The following NMRK2 variants were observed in gnomAD, a reference collection of about 807,000 sequenced individuals.
NMRK2 encodes nicotinamide riboside kinase 2, also known as NRK 2.
Under a neutral mutation model 24.7 loss-of-function variants are expected in NMRK2, and 34 were observed. That is an observed-to-expected ratio of 1.37 (90% CI 1.05 to 1.83). The LOEUF is 1.83. Among genes scored for constraint, NMRK2 ranks in the 40% most tolerant of loss-of-function variants. The pLI, the probability that NMRK2 is intolerant of heterozygous loss-of-function variation, is 0.00. For synonymous variants in NMRK2, 145 were observed against 125.6 expected (o/e 1.15, Z -1.03); for missense variants, 341 against 315.0 (o/e 1.08, Z -0.62).
rs1303708289 is a variant in NMRK2 at position 3,942,320 on chromosome 19, C to T, written c.*47C>T. ...TGTACGTAGGAGAGTGGAGGCCCCA[C>T]TCCCAGTTGGGCGTCCCGGAGCTCA... is the stretch of plus-strand genomic sequence containing the variant. On this transcript the variant is annotated 3_prime_UTR_variant, in exon 8 of 8. Coordinates refer to ENST00000168977, the MANE Select transcript of NMRK2 (RefSeq NM_170678.3). 1 of 1,525,444 alleles carries T rather than the reference C, an allele frequency of 6.6e-7. No individual in the cohort carries two copies. Among genetic ancestry groups the T allele is most frequent in the Non-Finnish European group, 8.9e-7 (1 of 1,129,238 alleles). 94.5% of individuals were successfully genotyped at this position (1,525,444 alleles called of 1,614,324 possible). A position where few individuals can be genotyped will look rare whatever the true frequency, so the allele number is the denominator to read the frequency against.
chr19:3,942,211 C>A lies in NMRK2; in HGVS notation c.631C>A (p.Pro211Thr), dbSNP rs962944322. 6 of 1,612,876 alleles carry A rather than the reference C, an allele frequency of 3.7e-6. No homozygotes were observed. In the African/African-American group the frequency reaches 5.3e-5, roughly 14 times the overall value. ...SPARPARTQG[P>T]GRGCGHRTAR... The stretch of plus-strand genomic sequence containing the variant: ...GGCTCGCCCAGCCAGGACACAGGGA[C>A]CCGGACGCGGATGCGGCCACAGAAC... Residue 211 changes from proline to threonine, a missense_variant, in exon 8 of 8, where the codon CCC becomes ACC. Transcript: ENST00000168977.
intron 2 of NMRK2, among the ~76,000 whole-genome samples, chr19:3,934,116 T>G (rs1026119838): frequency 1.3e-5 from 2 of 151,904 alleles, no homozygotes; most frequent in Non-Finnish European, 2.9e-5. Context: ...GGCACGGTGG[T>G]GCATACCTGT....
chr19:3,933,552 G>T lies in NMRK2; in HGVS notation c.-120G>T. The T allele has an allele frequency of 7.9e-7, 1 of 1,259,586 alleles. No homozygotes were observed. Among genetic ancestry groups the T allele is most frequent in the South Asian group, 1.4e-5 (1 of 70,616 alleles). The allele number at this position is 1,259,586 out of a possible 1,614,324, so 78.0% of individuals were successfully genotyped here. A position where few individuals can be genotyped will look rare whatever the true frequency, so the allele number is the denominator to read the frequency against. ...CCCCCGGGGCGGCCTCCAGGCTGCC[G>T]AGACCTATAAAGGCGCCAGGTTTTC... On this transcript the variant is annotated 5_prime_UTR_variant, in exon 2 of 8. Transcript: ENST00000168977.
Position 3,939,977 on chromosome 19 carries a change from C to CT in NMRK2, c.395+8dup. 1 of 1,610,670 alleles carries CT rather than the reference C, an allele frequency of 6.2e-7. No individual in the cohort carries two copies. The highest frequency in any genetic ancestry group is 1.3e-5 in the African/African-American group (1 of 74,892). ...GAGTGCAAGTGGAGGAGAAGGTGCA[C>CT]TTGGTGTCTGGGGGTGCGGTGGGCT... is the stretch of plus-strand genomic sequence containing the variant. On this transcript the variant is annotated splice_region_variant and intron_variant, in intron 6 of 7. Transcript: ENST00000168977.
At position 3,933,499 on chromosome 19, in the gene NMRK2, G is replaced by A; in HGVS notation, c.-173G>A. 3 of 613,238 alleles carry A rather than the reference G, an allele frequency of 4.9e-6. No individual in the cohort carries two copies. The highest frequency in any genetic ancestry group is 5.3e-6 in the Non-Finnish European group (2 of 375,310). 38.0% of individuals were successfully genotyped at this position (613,238 alleles called of 1,614,324 possible). ...TTCGGCGGCGGGAACAGGTGCCGGCGCCTCCGCCCCATCCCCAGGGGCCGC... is the reference window on the plus strand; with the variant it reads ...TTCGGCGGCGGGAACAGGTGCCGGCACCTCCGCCCCATCCCCAGGGGCCGC... On this transcript the variant is annotated 5_prime_UTR_variant, in exon 2 of 8. Coordinates refer to ENST00000168977, the MANE Select transcript of NMRK2 (RefSeq NM_170678.3).
intron 5 of NMRK2, 60 bp downstream of exon 5, chr19:3,938,819 C>CTTTTT: frequency 9.1e-6 from 3 of 330,214 alleles, no homozygotes; most frequent in Non-Finnish European, 1.4e-5. Context: ...ATAGCCATCT[C>CTTTTT]TTGTTTTTTT....
chr19:3,938,838 TTTTTTGTTTTG>T (rs2039272098), intron 5 of NMRK2, 79 bp downstream of exon 5: 2 of 558,292 alleles, frequency 3.6e-6, no homozygotes, highest in Middle Eastern at 5.7e-4. Flanking sequence ...TTTTTTTTTT[TTTTTTGTTTTG>T]TTTTTTTTTT....
At chr19:3,940,749 AAAAAG>A (rs2039317179) in intron 6 of NMRK2, among the ~76,000 whole-genome samples, 1 of 147,858 alleles carries the variant, frequency 6.8e-6, no homozygotes, top group Non-Finnish European at 1.5e-5. Flanking sequence ...AAAAAAAAAA[AAAAAG>A]AGAAAACGCC....
intron 1 of NMRK2, 58 bp from the exon 2 acceptor site, chr19:3,933,400 G>A (rs1016969520): frequency 8.2e-6 from 4 of 489,368 alleles, no homozygotes; most frequent in African/African-American, 6.2e-5. Context: ...GGAGGTGGGA[G>A]GAGGGAAGAG....
rs1216237828 is a variant in NMRK2 at position 3,941,072 on chromosome 19, AC to A, written c.400del (p.Arg134AlafsTer40). ...PYEECKWRRS[T>X]RNYTVPDPPG... is the part of the protein sequence containing the mutation. ...CATCCTTGCCTTCTCCCTCTGCAGT[AC>A]CCGCAACTACACAGTCCCTGATCCC... On this transcript the variant is annotated frameshift_variant and splice_region_variant, in exon 7 of 8. Transcript: ENST00000168977. LOFTEE classifies it high-confidence loss of function. The A allele has an allele frequency of 6.2e-7, 1 of 1,607,626 alleles. No individual in the cohort carries two copies. The highest frequency in any genetic ancestry group is 8.5e-7 in the Non-Finnish European group (1 of 1,174,742).
intron 3 of NMRK2, 111 bp downstream of exon 3, chr19:3,936,776 C>A: frequency 2.3e-6 from 2 of 851,830 alleles, no homozygotes; most frequent in Non-Finnish European, 3.6e-6. Context: ...TGGGCACTGG[C>A]TCCACTCCCT....
chr19:3,933,639 TG>T lies in NMRK2; in HGVS notation c.-31del. The T allele has an allele frequency of 6.6e-7, 1 of 1,518,796 alleles. No individual in the cohort carries two copies. The highest frequency in any genetic ancestry group is 8.8e-7 in the Non-Finnish European group (1 of 1,134,888). The allele number at this position is 1,518,796 out of a possible 1,614,324, so 94.1% of individuals were successfully genotyped here. A position where few individuals can be genotyped will look rare whatever the true frequency, so the allele number is the denominator to read the frequency against. On this transcript the variant is annotated 5_prime_UTR_variant, in exon 2 of 8. Coordinates refer to ENST00000168977, the MANE Select transcript of NMRK2 (RefSeq NM_170678.3). ...TGGTCGCACCCTACCCGGGCTGCCT[TG>T]GAAGTCGTCCCCGCCGCCCCTCCGC...
At chr19:3,936,176 A>C (rs2039209268) in intron 2 of NMRK2, among the ~76,000 whole-genome samples, 1 of 143,306 alleles carries the variant, frequency 7.0e-6, no homozygotes. Context: ...GCGCCATTGT[A>C]CTCCAGCCTG....
At position 3,942,303 on chromosome 19, in the gene NMRK2, G is replaced by A; in HGVS notation, c.*30G>A. On this transcript the variant is annotated 3_prime_UTR_variant, in exon 8 of 8. Coordinates refer to ENST00000168977, the MANE Select transcript of NMRK2 (RefSeq NM_170678.3). ...TTCCCTATGGGGGTGTCTGTACGTA[G>A]GAGAGTGGAGGCCCCACTCCCAGTT... is the stretch of plus-strand genomic sequence containing the variant. 1 of 1,557,814 alleles carries A rather than the reference G, an allele frequency of 6.4e-7. No homozygotes were observed. Among genetic ancestry groups the A allele is most frequent in the Non-Finnish European group, 8.7e-7 (1 of 1,151,312 alleles).
Position 3,936,671 on chromosome 19 carries a change from C to G in NMRK2, c.117+6C>G. The G allele has an allele frequency of 6.4e-7, 1 of 1,552,970 alleles. No individual in the cohort carries two copies. The highest frequency in any genetic ancestry group is 8.7e-7 in the Non-Finnish European group (1 of 1,148,714). ...ATCAGGATGACTTCTTCAAGGTGCC[C>G]GCCCTTGCCCGGGGAGGTGGAGCTG... On this transcript the variant is annotated splice_donor_region_variant and intron_variant, in intron 3 of 7. Coordinates refer to ENST00000168977, the MANE Select transcript of NMRK2 (RefSeq NM_170678.3).
At chr19:3,940,940 C>T (rs1370847166) in intron 6 of NMRK2, 131 bp from the exon 7 acceptor site, 2 of 606,730 alleles carry the variant, frequency 3.3e-6, no homozygotes, top group East Asian at 5.7e-5. Context: ...TAGCCCAGGG[C>T]TTCTGACCGA....
At chr19:3,936,701 G>A in intron 3 of NMRK2, 36 bp downstream of exon 3, 1 of 1,518,666 alleles carries the variant, frequency 6.6e-7, no homozygotes, top group Non-Finnish European at 8.9e-7. Context: ...GAGCTGAGAG[G>A]GGATGCAGGG....
intron 7 of NMRK2, 45 bp downstream of exon 7, chr19:3,941,222 G>A (rs1257196788): frequency 9.7e-7 from 1 of 1,036,084 alleles, no homozygotes; most frequent in South Asian, 1.3e-5. Context: ...GCGGGCGGGG[G>A]GGACCCTGGG....
chr19:3,941,515 C>T (rs111502787), intron 7 of NMRK2, among the ~76,000 whole-genome samples: 40 of 151,338 alleles, frequency 2.6e-4, no homozygotes, highest in African/African-American at 8.3e-4. Flanking sequence ...GGTCTCCCAA[C>T]GTGCTGGGAT....
Sources: gnomAD v4.1 joint callset for allele counts (sites outside exome capture counted in the v4.1 genomes callset) on GRCh38, gnomAD v4.1.1 for gene constraint, MANE v1.5 for transcripts, NCBI Gene and HGNC (gene_info 2026-07-23, HGNC 2026-07-21) for gene names.